OCRL: variants seen among roughly 807,000 people sequenced by gnomAD.
OCRL encodes the protein OCRL inositol polyphosphate-5-phosphatase.
OCRL carries 8 observed loss-of-function variants against 78.9 expected under a neutral mutation model. That is an observed-to-expected ratio of 0.10 (90% confidence interval 0.06 to 0.18). The LOEUF (loss-of-function observed/expected upper bound fraction) is 0.18, where lower values mean the gene tolerates loss of function less well. OCRL is among the 10% of genes least tolerant of loss of function. The pLI is 1.00. For synonymous variants in OCRL, 240 were observed against 235.4 expected (o/e 1.02, Z -0.18); for missense variants, 454 against 696.7 (o/e 0.65, Z 3.92).
At chrX:129,564,727 G>T (rs1016661220) in intron 12 of OCRL, among the ~76,000 whole-genome samples, 5 of 109,505 alleles carry the variant, frequency 4.6e-5, no homozygotes, top group Admixed American at 9.7e-5. Flanking sequence ...GTTGTGGGGT[G>T]GGGGGAGCGG....
intron 18 of OCRL, 50 bp downstream of exon 18, chrX:129,576,602 T>A: frequency 1.1e-6 from 1 of 942,380 alleles, no homozygotes; most frequent in Non-Finnish European, 1.5e-6. Flanking sequence ...ATTTTCACAA[T>A]ACTTAAGTGA....
chrX:129,589,780 T>TAA (rs998588466), intron 22 of OCRL, 65 bp from the exon 23 acceptor site: 5 of 755,405 alleles, frequency 6.6e-6, no homozygotes, highest in Non-Finnish European at 1.0e-5. Context: ...ACAGCAGCTG[T>TAA]AAGTTCCTCT....
At chrX:129,573,857 G>C (rs184057830) in intron 15 of OCRL, among the ~76,000 whole-genome samples, 140 of 112,148 alleles carry the variant, frequency 1.2e-3, no homozygotes, top group Non-Finnish European at 2.0e-3. Context: ...ACTGTGCCCA[G>C]CCTGATCTCA....
At chrX:129,553,617 T>A (rs1437329555) in intron 4 of OCRL, among the ~76,000 whole-genome samples, 1 of 112,004 alleles carries the variant, frequency 8.9e-6, no homozygotes, top group Non-Finnish European at 1.9e-5. Flanking sequence ...ATAGGAGTGA[T>A]CTTCTTCCTT....
chrX:129,565,694 C>T (rs1218528739), intron 12 of OCRL, 78 bp from the exon 13 acceptor site: 13 of 743,171 alleles, frequency 1.7e-5, no homozygotes, highest in Admixed American at 1.1e-4. Context: ...ATAATCTACC[C>T]ATTTTTCTTC....
rs746317573 is a variant in OCRL at position 129,590,396 on chromosome X, A to G, written c.*126A>G. Reference sequence around the variant, plus strand: ...AATTTCAAGTTCTGTTTATAGTAAAAAGGAAGAGCGTTTCCTAATCCCTCC... The same window carrying G: ...AATTTCAAGTTCTGTTTATAGTAAAGAGGAAGAGCGTTTCCTAATCCCTCC... On this transcript the variant is annotated 3_prime_UTR_variant, in exon 24 of 24. Coordinates refer to ENST00000371113, the MANE Select transcript of OCRL (RefSeq NM_000276.4). The G allele has an allele frequency of 2.3e-4, 199 of 881,245 alleles. No homozygotes were observed. Among genetic ancestry groups the G allele is most frequent in the Non-Finnish European group, 3.0e-4 (184 of 610,060 alleles). 72.6% of individuals were successfully genotyped at this position (881,245 alleles called of 1,213,427 possible).
At chrX:129,585,705 G>GA (rs34512528) in intron 19 of OCRL, among the ~76,000 whole-genome samples, 26 of 111,024 alleles carry the variant, frequency 2.3e-4, no homozygotes, top group African/African-American at 7.8e-4. Context: ...TGAATGTGGG[G>GA]AAAAAAAAGA....
At chrX:129,567,478 A>G in intron 14 of OCRL, 115 bp downstream of exon 14, 1 of 508,994 alleles carries the variant, frequency 2.0e-6, no homozygotes. Flanking sequence ...AGATATATAA[A>G]CCTAATGGCT....
chrX:129,558,764 T>C lies in OCRL; in HGVS notation c.560+11T>C. 1 of 1,212,253 alleles carries C rather than the reference T, an allele frequency of 8.2e-7. No homozygotes were observed. Among genetic ancestry groups the C allele is most frequent in the Non-Finnish European group, 1.1e-6 (1 of 895,483 alleles). ...TTCAGTGAATAAAATGTAAGTCCCA[T>C]GTGAAAACATATTTGCCTTGTAGGA... On this transcript the variant is annotated intron_variant, in intron 7 of 23. Coordinates refer to ENST00000371113, the MANE Select transcript of OCRL (RefSeq NM_000276.4).
chrX:129,575,031 G>A, intron 15 of OCRL, 109 bp from the exon 16 acceptor site: 1 of 573,245 alleles, frequency 1.7e-6, no homozygotes, highest in African/African-American at 2.2e-5. Flanking sequence ...TTGCACCACA[G>A]TTTATTTTAA....
intron 15 of OCRL, among the ~76,000 whole-genome samples, chrX:129,572,024 G>T (rs975846078): frequency 2.7e-5 from 3 of 111,765 alleles, no homozygotes; most frequent in Non-Finnish European, 5.6e-5. Flanking sequence ...AGCAGCAGGG[G>T]GCTATTGAGT....
chrX:129,557,896 T>C lies in OCRL; in HGVS notation c.385T>C (p.Ser129Pro), dbSNP rs1341391212. The C allele has an allele frequency of 8.3e-7, 1 of 1,204,279 alleles. No individual in the cohort carries two copies. The highest frequency in any genetic ancestry group is 1.7e-5 in the African/African-American group (1 of 57,217). Residue 129 changes from serine (S) to proline (P), a missense_variant, in exon 6 of 24, where the codon TCA (serine) becomes CCA (proline). Physicochemically the swap from Ser to Pro is moderately conservative, Grantham distance 74. Transcript: ENST00000371113. ...SQLLVPEQKD[S>P]SSWYQKLDTK... ...GCTTCTTGTTCCAGAGCAAAAGGAC[T>C]CATCTAGCTGGTACCAGAAATTAGA...
chrX:129,555,196 G>T (rs986149883), intron 4 of OCRL, among the ~76,000 whole-genome samples: 4 of 109,416 alleles, frequency 3.7e-5, no homozygotes, highest in Non-Finnish European at 5.7e-5. Flanking sequence ...GCCTCTGGTG[G>T]CCAAGCACAG....
At chrX:129,578,955 C>T (rs973999788) in intron 18 of OCRL, among the ~76,000 whole-genome samples, 5 of 111,478 alleles carry the variant, frequency 4.5e-5, no homozygotes, top group Non-Finnish European at 7.5e-5. Flanking sequence ...TCCTGTATCT[C>T]ATTGATGAGG....
At position 129,552,929 on chromosome X, in the gene OCRL, A is replaced by G. The variant is rs200348875; in HGVS notation, c.238+4328A>G. On this transcript the variant is annotated intron_variant, in intron 4 of 23. Coordinates refer to ENST00000371113, the MANE Select transcript of OCRL (RefSeq NM_000276.4). ...CCTATTTAAAATAATTAGAAATAAA[A>G]TGAGAAATTCAGTCCCTCAGTTGCA... Among the ~76,000 whole-genome samples the G allele has an allele frequency of 1.2e-4, 14 of 112,614 alleles. No individual in the cohort carries two copies. The East Asian group carries it at 3.9e-3, about 31-fold the overall frequency.
rs1935769391 is a variant in OCRL, at chrX:129,540,335, C to T, written c.-105C>T. 3 of 920,678 alleles carry T rather than the reference C, an allele frequency of 3.3e-6. No homozygotes were observed. The highest frequency in any genetic ancestry group is 3.6e-4 in the Middle Eastern group (1 of 2,752). 75.9% of individuals were successfully genotyped at this position (920,678 alleles called of 1,213,427 possible). ...GCCCGGCGCCCGGCGCGGAGCTGTT[C>T]CTCAAACGACACGCAGCCGAGGTGG... is the stretch of plus-strand genomic sequence containing the variant. On this transcript the variant is annotated 5_prime_UTR_variant, in exon 1 of 24. Transcript: ENST00000371113.
chrX:129,578,286 T>A (rs1216077451), intron 18 of OCRL, among the ~76,000 whole-genome samples: 1 of 111,395 alleles, frequency 9.0e-6, no homozygotes, highest in East Asian at 2.8e-4. Flanking sequence ...TAAACCAAAA[T>A]CCAATCTGGG....
Position 129,587,074 on chromosome X carries a change from A to G in OCRL, c.2212A>G (p.Ile738Val), listed in dbSNP as rs1305670959. 1 of 1,207,061 alleles carries G rather than the reference A, an allele frequency of 8.3e-7. No individual in the cohort carries two copies. ...GAGACCCCTTCAGGTTCCCAAGGAG[A>G]TCTGGCTTCTAGTAGATCACCTATT... Reference protein sequence around the residue: ...SERPLQVPKEIWLLVDHLFKY... With the variant: ...SERPLQVPKEVWLLVDHLFKY... Residue 738 changes from isoleucine (I) to valine (V), a missense_variant, in exon 20 of 24, where the codon ATC (isoleucine) becomes GTC (valine). Transcript: ENST00000371113.
At chrX:129,562,537 T>C in intron 11 of OCRL, 37 bp downstream of exon 11, 3 of 1,189,181 alleles carry the variant, frequency 2.5e-6, no homozygotes, top group Non-Finnish European at 3.4e-6. Flanking sequence ...TTATTATTCA[T>C]GTTCATGTAA....
Sources: allele counts gnomAD v4.1 joint callset (sites outside exome capture counted in the v4.1 genomes callset), GRCh38; gene constraint gnomAD v4.1.1; transcripts MANE v1.5; gene names NCBI Gene and HGNC (gene_info 2026-07-23, HGNC 2026-07-21).